Variants in SRPK2 observed in about 807,000 individuals in gnomAD.
SRPK2 encodes SFRS protein kinase 2.
Under a neutral mutation model 90.8 loss-of-function variants are expected in SRPK2, and 21 were observed. The ratio of observed to expected loss-of-function variants is 0.23; its 90% CI spans 0.16 to 0.33. The LOEUF (loss-of-function observed/expected upper bound fraction) is 0.33. Ranked by LOEUF, SRPK2 falls within the 10% of genes least tolerant of loss-of-function variation. The pLI is 1.00. For missense variants in SRPK2, 620 were observed against 869.0 expected (o/e 0.71, Z 3.60); for synonymous variants, 288 against 311.1 (o/e 0.93, Z 0.78).
At chr7:105,245,102 G>T (rs1801456225) in intron 2 of SRPK2, 1 of 615,686 alleles carries the variant, frequency 1.6e-6, no homozygotes, top group South Asian at 1.8e-5. Flanking sequence ...TCCTAACCAA[G>T]TGGGAAAGAA....
intron 2 of SRPK2, among the ~76,000 whole-genome samples, chr7:105,338,798 T>C (rs1447239965): frequency 5.3e-5 from 8 of 152,196 alleles, no homozygotes; most frequent in Non-Finnish European, 1.5e-5. Context: ...TTTGGAACTG[T>C]TTATTTTGAC....
Position 105,226,211 on chromosome 7 carries a change from T to A in SRPK2, c.72-22426A>T, listed in dbSNP as rs147344850. Among the ~76,000 whole-genome samples, 559 of 152,214 alleles carry A rather than the reference T, an allele frequency of 3.7e-3. 4 individuals carry two copies. The highest frequency in any genetic ancestry group is 0.036 in the East Asian group (188 of 5,188). On this transcript the variant is annotated intron_variant, in intron 2 of 15. Transcript: ENST00000393651. Reference sequence around the variant, plus strand: ...TATGAAACATTTAGTGATCATATTCTTCCCAATAAACAAAATGGAAGATAT... The same window carrying A: ...TATGAAACATTTAGTGATCATATTCATCCCAATAAACAAAATGGAAGATAT...
At chr7:105,388,589 C>T in intron 2 of SRPK2, 59 bp downstream of exon 2, 1 of 1,503,792 alleles carries the variant, frequency 6.6e-7, no homozygotes, top group Non-Finnish European at 9.0e-7. Flanking sequence ...CCTGCGCGGC[C>T]GCGGGCGCCC....
chr7:105,324,318 C>CCCT (rs1585709772), intron 2 of SRPK2, among the ~76,000 whole-genome samples: 2 of 150,034 alleles, frequency 1.3e-5, no homozygotes, highest in East Asian at 2.0e-4. Flanking sequence ...ACTATTCCCT[C>CCCT]CCTCCCTTCT....
chr7:105,261,038 A>AAAAAC (rs1804189085), intron 2 of SRPK2, among the ~76,000 whole-genome samples: 1 of 151,742 alleles, frequency 6.6e-6, no homozygotes, highest in South Asian at 2.1e-4. Flanking sequence ...AAAAAAAAAA[A>AAAAAC]AAAACAGTAT....
chr7:105,122,800 C>A (rs1800582709), intron 15 of SRPK2, among the ~76,000 whole-genome samples: 1 of 152,002 alleles, frequency 6.6e-6, no homozygotes, highest in Non-Finnish European at 1.5e-5. Flanking sequence ...GACACACACA[C>A]ATACACACAC....
At chr7:105,160,916 T>A (rs1319819855) in intron 6 of SRPK2, among the ~76,000 whole-genome samples, 2 of 152,004 alleles carry the variant, frequency 1.3e-5, no homozygotes, top group East Asian at 1.9e-4. Flanking sequence ...CCTATTCACA[T>A]CCTTCCATAT....
At chr7:105,158,541 C>G (rs1806908610) in intron 7 of SRPK2, among the ~76,000 whole-genome samples, 1 of 152,206 alleles carries the variant, frequency 6.6e-6, no homozygotes, top group Admixed American at 6.5e-5. Context: ...GCGTGAGCCA[C>G]TGCGCCTGGC....
intron 2 of SRPK2, among the ~76,000 whole-genome samples, chr7:105,237,066 T>C (rs963153627): frequency 7.2e-5 from 11 of 152,196 alleles, no homozygotes; most frequent in Admixed American, 2.6e-4. Context: ...GAGGCCAGAA[T>C]GCCATACATG....
At chr7:105,317,601 G>A (rs963478138) in intron 2 of SRPK2, among the ~76,000 whole-genome samples, 4 of 151,974 alleles carry the variant, frequency 2.6e-5, no homozygotes, top group Admixed American at 1.3e-4. Flanking sequence ...ACACAGGATG[G>A]GGTTGAATAT....
intron 2 of SRPK2, among the ~76,000 whole-genome samples, chr7:105,344,282 A>T (rs1294719766): frequency 7.5e-6 from 1 of 133,980 alleles, no homozygotes; most frequent in Non-Finnish European, 1.7e-5. Flanking sequence ...AACTTTATTT[A>T]TGGACATAGA....
intron 3 of SRPK2, among the ~76,000 whole-genome samples, chr7:105,183,561 A>T (rs1489250380): frequency 6.6e-6 from 1 of 152,182 alleles, no homozygotes; most frequent in African/African-American, 2.4e-5. Context: ...ATCCCAGATC[A>T]CTGCAATCTC....
At chr7:105,278,804 G>A (rs1806874396) in intron 2 of SRPK2, among the ~76,000 whole-genome samples, 1 of 151,798 alleles carries the variant, frequency 6.6e-6, no homozygotes, top group African/African-American at 2.4e-5. Context: ...GGAAAGGAGA[G>A]AGAGAAAGAA....
At chr7:105,362,671 T>C (rs1355604272) in intron 2 of SRPK2, among the ~76,000 whole-genome samples, 2 of 152,068 alleles carry the variant, frequency 1.3e-5, no homozygotes, top group Non-Finnish European at 2.9e-5. Flanking sequence ...AGAAATACCA[T>C]TTCACCCAGC....
chr7:105,320,220 A>G (rs1260821227), intron 2 of SRPK2, among the ~76,000 whole-genome samples: 1 of 151,338 alleles, frequency 6.6e-6, no homozygotes, highest in East Asian at 1.9e-4. Context: ...CAATCACACA[A>G]ACACCCACGC....
Position 105,126,964 on chromosome 7 carries a change from C to T in SRPK2, c.1822+29G>A, listed in dbSNP as rs199707529. The stretch of plus-strand genomic sequence containing the variant: ...TTCAGGGCTGGCAGAAGACCTAGAC[C>T]GAGGTATTCAGCAGGCACCAATACT... On this transcript the variant is annotated intron_variant, in intron 14 of 15. Coordinates refer to ENST00000393651, the MANE Select transcript of SRPK2 (RefSeq NM_182692.3). 735 of 1,610,580 alleles carry T rather than the reference C, an allele frequency of 4.6e-4. 1 individual carries two copies. The highest frequency in any genetic ancestry group is 1.4e-3 in the South Asian group (129 of 90,952).
chr7:105,328,014 G>C (rs1216270507), intron 2 of SRPK2, among the ~76,000 whole-genome samples: 2 of 152,124 alleles, frequency 1.3e-5, no homozygotes, highest in Non-Finnish European at 2.9e-5. Context: ...GACCTCAAGT[G>C]ATCAGCCCAC....
rs143787217 is a variant in SRPK2 at position 105,323,995 on chromosome 7, G to A, written c.71+64653C>T. ...TGTGTGTGTGTGTGTGTGTGTGTGTGTGTGTGTGTGTGTGTGTGTGTGGTG... is the reference window on the plus strand; with the variant it reads ...TGTGTGTGTGTGTGTGTGTGTGTGTATGTGTGTGTGTGTGTGTGTGTGGTG... On this transcript the variant is annotated intron_variant, in intron 2 of 15. Transcript: ENST00000393651. Among the ~76,000 whole-genome samples the A allele has an allele frequency of 7.9e-3, 1,164 of 147,656 alleles. 11 individuals carry two copies. The highest frequency in any genetic ancestry group is 0.012 in the Non-Finnish European group (770 of 66,390).
chr7:105,170,925 A>G (rs537126969), intron 3 of SRPK2, among the ~76,000 whole-genome samples: 2 of 116,032 alleles, frequency 1.7e-5, no homozygotes, highest in Admixed American at 2.0e-4. Context: ...GGAGAAAGAA[A>G]AAGAAAAAGG....
Sources: gnomAD v4.1 joint callset for allele counts (sites outside exome capture counted in the v4.1 genomes callset) on GRCh38, gnomAD v4.1.1 for gene constraint, MANE v1.5 for transcripts, NCBI Gene and HGNC (gene_info 2026-07-23, HGNC 2026-07-21) for gene names.